Variants in SLC25A26 observed in about 807,000 individuals in gnomAD.
The protein encoded by SLC25A26 is solute carrier family 25 member 26, also known as mitochondrial S-adenosylmethionine carrier protein.
In SLC25A26, 36 loss-of-function variants were observed where a neutral mutation model predicts 37.8. The ratio of observed to expected loss-of-function variants is 0.95; its 90% CI spans 0.73 to 1.26. SLC25A26 has a LOEUF of 1.26. Among genes scored for constraint, SLC25A26 ranks in the 50% most tolerant of loss-of-function variants. The probability of loss-of-function intolerance (pLI) is 0.00; values close to 1 mark genes in which losing one functional copy is unlikely to be tolerated. For missense variants in SLC25A26, 390 were observed against 331.1 expected, an observed-to-expected ratio of 1.18 and a Z score of -1.38; for synonymous variants, 129 against 122.5, an observed-to-expected ratio of 1.05 and a Z score of -0.35.
intron 1 of SLC25A26, among the ~76,000 whole-genome samples, chr3:66,234,959 C>T (rs1400972739): frequency 2.0e-5 from 3 of 152,078 alleles, no homozygotes; most frequent in East Asian, 3.9e-4. Context: ...GGAAAGTTTC[C>T]TCTTTATAAT....
At chr3:66,143,846 A>G (rs62245234) in intron 1 of SLC25A26, among the ~76,000 whole-genome samples, 1 of 152,106 alleles carries the variant, frequency 6.6e-6, no homozygotes. Context: ...GTGCCAGTGC[A>G]CTCCAGCCTG....
chr3:66,269,567 T>C (rs1364956715), intron 5 of SLC25A26, among the ~76,000 whole-genome samples: 1 of 152,240 alleles, frequency 6.6e-6, no homozygotes, highest in Admixed American at 6.5e-5. Flanking sequence ...AATTCCATGA[T>C]TGTTCATTTT....
At chr3:66,138,647 AG>A (rs915449189) in intron 1 of SLC25A26, among the ~76,000 whole-genome samples, 26 of 40,752 alleles carry the variant, frequency 6.4e-4, no homozygotes, top group East Asian at 2.4e-3. Context: ...ATGCAGGGGG[AG>A]GGGGGGTAGG....
chr3:66,287,479 C>A (rs1482375914), intron 5 of SLC25A26, among the ~76,000 whole-genome samples: 1 of 152,032 alleles, frequency 6.6e-6, no homozygotes, highest in African/African-American at 2.4e-5. Context: ...CCTATTTTCT[C>A]TTGCATTACT....
chr3:66,191,888 C>T (rs2070949190), intron 1 of SLC25A26, among the ~76,000 whole-genome samples: 1 of 151,398 alleles, frequency 6.6e-6, no homozygotes, highest in South Asian at 2.1e-4. Flanking sequence ...GCCTGGGTGA[C>T]AGAGCAAGAC....
intron 5 of SLC25A26, among the ~76,000 whole-genome samples, chr3:66,345,329 T>G (rs1443028441): frequency 6.6e-6 from 1 of 152,118 alleles, no homozygotes; most frequent in Non-Finnish European, 1.5e-5. Flanking sequence ...GGAGACCTGT[T>G]TCTCAAGTTT....
intron 2 of SLC25A26, among the ~76,000 whole-genome samples, chr3:66,237,507 C>T (rs782423377): frequency 1.3e-5 from 2 of 152,252 alleles, no homozygotes; most frequent in African/African-American, 2.4e-5. Flanking sequence ...AGAGGCATTA[C>T]ACATTTCTAT....
intron 1 of SLC25A26, among the ~76,000 whole-genome samples, chr3:66,175,109 G>A (rs370259317): frequency 0.38 from 35,683 of 92,974 alleles, 6,944 homozygotes; most frequent in Non-Finnish European, 0.45. Context: ...ATGTGTGTGT[G>A]TATATATATA....
upstream of SLC25A26, among the ~76,000 whole-genome samples, chr3:66,217,999 C>A (rs1024723019): frequency 3.7e-3 from 564 of 152,278 alleles, 5 homozygotes; most frequent in African/African-American, 0.013. Context: ...ACTTCATAGT[C>A]AATACTTTGC....
chr3:66,137,263 C>G (rs924895897), intron 1 of SLC25A26, among the ~76,000 whole-genome samples: 3 of 148,924 alleles, frequency 2.0e-5, no homozygotes, highest in Non-Finnish European at 4.4e-5. Context: ...TCTTGTCGCC[C>G]GAGCTGGAGT....
At chr3:66,219,985 T>C (rs973204034), upstream of SLC25A26, among the ~76,000 whole-genome samples, 3 of 152,236 alleles carry the variant, frequency 2.0e-5, no homozygotes, top group Admixed American at 2.0e-4. Flanking sequence ...GTATCATTTC[T>C]AGATCATTTT....
intron 5 of SLC25A26, among the ~76,000 whole-genome samples, chr3:66,342,828 G>T (rs1018559979): frequency 6.6e-6 from 1 of 152,112 alleles, no homozygotes; most frequent in Non-Finnish European, 1.5e-5. Flanking sequence ...CTCCATCTGT[G>T]TCTTTGATGG....
intron 1 of SLC25A26, among the ~76,000 whole-genome samples, chr3:66,175,319 G>A (rs578207433): frequency 3.3e-5 from 5 of 151,952 alleles, no homozygotes; most frequent in East Asian, 1.9e-4. Flanking sequence ...CCATCTCCCA[G>A]GTTCAAGTGA....
chr3:66,354,727 G>T (rs1348016899), intron 6 of SLC25A26, among the ~76,000 whole-genome samples: 1 of 152,150 alleles, frequency 6.6e-6, no homozygotes, highest in Non-Finnish European at 1.5e-5. Context: ...TGGTGTCGGG[G>T]AGGAACCCAG....
At chr3:66,148,726 T>A (rs1249941268) in intron 1 of SLC25A26, among the ~76,000 whole-genome samples, 2 of 152,230 alleles carry the variant, frequency 1.3e-5, no homozygotes, top group African/African-American at 4.8e-5. Context: ...TCTTCCTGGT[T>A]CTTTATAGAA....
intron 1 of SLC25A26, among the ~76,000 whole-genome samples, chr3:66,153,641 A>G (rs1049430076): frequency 1.1e-4 from 17 of 152,244 alleles, no homozygotes; most frequent in Admixed American, 8.5e-4. Flanking sequence ...GTCCAGAAAT[A>G]GCATCACGAA....
At chr3:66,165,721 T>A (rs1048150225) in intron 1 of SLC25A26, among the ~76,000 whole-genome samples, 1 of 152,194 alleles carries the variant, frequency 6.6e-6, no homozygotes, top group African/African-American at 2.4e-5. Context: ...TACTGTGATA[T>A]AAGGCTCAAT....
chr3:66,218,022 C>T (rs962329538), upstream of SLC25A26, among the ~76,000 whole-genome samples: 36 of 152,272 alleles, frequency 2.4e-4, no homozygotes, highest in Middle Eastern at 3.4e-3. Flanking sequence ...CTACCTCCAC[C>T]GCCTGGAAAG....
intron 5 of SLC25A26, among the ~76,000 whole-genome samples, chr3:66,325,927 A>G (rs1198490710): frequency 6.6e-6 from 1 of 152,190 alleles, no homozygotes; most frequent in African/African-American, 2.4e-5. Context: ...TTGAACAGAG[A>G]TGAGTCGGGG....
Sources: allele counts gnomAD v4.1 joint callset (sites outside exome capture counted in the v4.1 genomes callset), GRCh38; gene constraint gnomAD v4.1.1; transcripts MANE v1.5; gene names NCBI Gene and HGNC (gene_info 2026-07-23, HGNC 2026-07-21).